Variants in CDH9 observed in about 807,000 individuals in gnomAD.
CDH9 encodes cadherin 9, also known as cadherin-9.
A neutral mutation model predicts 70.9 loss-of-function variants in CDH9; 28 were observed. The observed-to-expected ratio is 0.40, with a 90% CI of 0.29 to 0.54. CDH9 has a LOEUF of 0.54. CDH9 is among the 20% of genes least tolerant of loss of function. The probability of loss-of-function intolerance (pLI) is 0.59; values close to 1 mark genes in which losing one functional copy is unlikely to be tolerated. For missense variants in CDH9, 874 were observed against 984.4 expected, an observed-to-expected ratio of 0.89 and a Z score of 1.50; for synonymous variants, 409 against 343.1, an observed-to-expected ratio of 1.19 and a Z score of -2.12.
At chr5:26,945,821 T>C (rs1168038212) in intron 2 of CDH9, among the ~76,000 whole-genome samples, 5 of 152,152 alleles carry the variant, frequency 3.3e-5, no homozygotes, top group African/African-American at 1.2e-4. Flanking sequence ...ATATGAAAGA[T>C]TTATGCCTTA....
intron 2 of CDH9, among the ~76,000 whole-genome samples, chr5:26,937,660 T>A (rs564968635): frequency 5.3e-5 from 8 of 152,166 alleles, no homozygotes; most frequent in East Asian, 1.9e-4. Flanking sequence ...GAGCTGTCAA[T>A]CTACAAAAAT....
intron 1 of CDH9, among the ~76,000 whole-genome samples, chr5:26,990,450 T>A (rs1742562040): frequency 6.6e-6 from 1 of 152,182 alleles, no homozygotes; most frequent in Admixed American, 6.6e-5. Flanking sequence ...ATTACACCAT[T>A]TTTCAATGCT....
intron 2 of CDH9, among the ~76,000 whole-genome samples, chr5:26,935,605 T>G (rs906588467): frequency 6.6e-6 from 1 of 152,074 alleles, no homozygotes; most frequent in Non-Finnish European, 1.5e-5. Flanking sequence ...CAAAAAAGAA[T>G]AGATGTTGGT....
At chr5:27,013,822 A>G (rs180895875) in intron 1 of CDH9, among the ~76,000 whole-genome samples, 1 of 152,126 alleles carries the variant, frequency 6.6e-6, no homozygotes, top group African/African-American at 2.4e-5. Context: ...CAGTGTCTAA[A>G]TTCACTCGAG....
At chr5:26,903,848 T>C in intron 5 of CDH9, 24 bp from the exon 6 acceptor site, 2 of 1,283,000 alleles carry the variant, frequency 1.6e-6, no homozygotes. Context: ...AAGAGCTGTT[T>C]TGACATTTCA....
chr5:26,972,040 G>T (rs768218563), intron 2 of CDH9, among the ~76,000 whole-genome samples: 17 of 152,050 alleles, frequency 1.1e-4, no homozygotes, highest in South Asian at 4.1e-4. Flanking sequence ...TATTTTAAAG[G>T]TTTTAAAAGA....
In CDH9 at chr5:26,906,085, T is replaced by C; in HGVS notation, c.685A>G (p.Arg229Gly). The C allele has an allele frequency of 5.0e-6, 8 of 1,613,766 alleles. No homozygotes were observed. The highest frequency in any genetic ancestry group is 6.8e-6 in the Non-Finnish European group (8 of 1,179,708). Residue 229 changes from arginine (R) to glycine (G), a missense_variant, in exon 5 of 12, where the codon AGA becomes GGA. Coordinates refer to ENST00000231021, the MANE Select transcript of CDH9 (RefSeq NM_016279.4). ...TALPDMSREN[R>G]EQYQVVIQAK... is the part of the protein sequence containing the mutation. ...TGTATAACAACCTGGTACTGCTCTCTATTTTCTCTGCTCATGTCTGGTAAT... is the reference window on the plus strand; with the variant it reads ...TGTATAACAACCTGGTACTGCTCTCCATTTTCTCTGCTCATGTCTGGTAAT...
chr5:27,003,587 A>G (rs1048523309), intron 1 of CDH9, among the ~76,000 whole-genome samples: 1 of 152,100 alleles, frequency 6.6e-6, no homozygotes, highest in African/African-American at 2.4e-5. Flanking sequence ...CAGACCCATG[A>G]GCTCAGTGAA....
intron 3 of CDH9, among the ~76,000 whole-genome samples, chr5:26,907,721 G>T (rs752943453): frequency 6.6e-6 from 1 of 152,000 alleles, no homozygotes; most frequent in African/African-American, 2.4e-5. Context: ...GCATGGTTCT[G>T]ACATCACCCT....
intron 2 of CDH9, among the ~76,000 whole-genome samples, chr5:26,945,717 G>T (rs889193599): frequency 2.0e-5 from 3 of 152,090 alleles, no homozygotes; most frequent in Non-Finnish European, 4.4e-5. Flanking sequence ...GAAATACTCT[G>T]CTGGGGAAGA....
At chr5:26,981,648 G>A (rs1163639227) in intron 2 of CDH9, among the ~76,000 whole-genome samples, 2 of 151,802 alleles carry the variant, frequency 1.3e-5, no homozygotes, top group Admixed American at 1.3e-4. Flanking sequence ...AAAATGTGTG[G>A]AAAAATTTTA....
At chr5:26,966,607 C>A (rs1329596117) in intron 2 of CDH9, among the ~76,000 whole-genome samples, 2 of 152,060 alleles carry the variant, frequency 1.3e-5, no homozygotes, top group African/African-American at 4.8e-5. Flanking sequence ...TTAGAGATTT[C>A]TTCACAATTT....
chr5:26,903,433 G>C, intron 6 of CDH9: 2 of 668,724 alleles, frequency 3.0e-6, no homozygotes, highest in South Asian at 3.2e-5. Flanking sequence ...TCTAGTTTTA[G>C]CATGAACAAC....
intron 2 of CDH9, among the ~76,000 whole-genome samples, chr5:26,963,506 T>G (rs2112063996): frequency 6.6e-6 from 1 of 152,278 alleles, no homozygotes; most frequent in East Asian, 1.9e-4. Context: ...TTTTTATAAC[T>G]TATTGAAAAG....
In CDH9 at chr5:26,908,689, C is replaced by T. The variant is rs368305249; in HGVS notation, c.524-1851G>A. Among the ~76,000 whole-genome samples, 5 of 152,030 alleles carry T rather than the reference C, an allele frequency of 3.3e-5. No homozygotes were observed. In the East Asian group the frequency reaches 9.6e-4, roughly 29 times the overall value. ...TTTGAAGTTACGCAAGGACGCTTAA[C>T]AAAGAGAAAGAAGTTAATATAAACA... On this transcript the variant is annotated intron_variant, in intron 3 of 11. Coordinates refer to ENST00000231021, the MANE Select transcript of CDH9 (RefSeq NM_016279.4).
intron 2 of CDH9, among the ~76,000 whole-genome samples, chr5:26,948,396 T>C (rs1741789944): frequency 6.6e-6 from 1 of 152,200 alleles, no homozygotes; most frequent in Non-Finnish European, 1.5e-5. Context: ...ACTCACCCAA[T>C]ATCAACAGAA....
intron 3 of CDH9, 37 bp from the exon 4 acceptor site, chr5:26,906,875 C>A: frequency 6.4e-7 from 1 of 1,551,534 alleles, no homozygotes; most frequent in Non-Finnish European, 8.8e-7. Flanking sequence ...GAGACATTTA[C>A]ATACTTCCAA....
intron 2 of CDH9, among the ~76,000 whole-genome samples, chr5:26,924,491 C>A (rs963565061): frequency 2.7e-5 from 4 of 149,342 alleles, no homozygotes; most frequent in African/African-American, 9.8e-5. Flanking sequence ...CAACTATAGT[C>A]AAACTATTTA....
At chr5:27,007,936 G>T (rs1405130976) in intron 1 of CDH9, among the ~76,000 whole-genome samples, 1 of 151,654 alleles carries the variant, frequency 6.6e-6, no homozygotes, top group South Asian at 2.1e-4. Context: ...AAATTTATGG[G>T]CTCCATGTTA....
Sources: gnomAD v4.1 joint callset for allele counts (sites outside exome capture counted in the v4.1 genomes callset) on GRCh38, gnomAD v4.1.1 for gene constraint, MANE v1.5 for transcripts, NCBI Gene and HGNC (gene_info 2026-07-23, HGNC 2026-07-21) for gene names.